TNFRSF10C: variants seen among roughly 807,000 people sequenced by gnomAD.
TNFRSF10C encodes the protein TNF receptor superfamily member 10c, also known as tumor necrosis factor receptor superfamily member 10C.
Under a neutral mutation model 16.7 loss-of-function variants are expected in TNFRSF10C, and 17 were observed. The ratio of observed to expected loss-of-function variants is 1.02; its 90% CI spans 0.70 to 1.53. The LOEUF is 1.53. Ranked by LOEUF, TNFRSF10C falls within the 40% of genes most tolerant of loss-of-function variation. The pLI is 0.00. For synonymous variants in TNFRSF10C, 73 were observed against 119.7 expected (o/e 0.61, Z 2.55); for missense variants, 237 against 329.7 (o/e 0.72, Z 2.18).
chr8:23,113,904 C>T (rs1284811084), intron 2 of TNFRSF10C, among the ~76,000 whole-genome samples: 1 of 149,972 alleles, frequency 6.7e-6, no homozygotes, highest in Admixed American at 6.7e-5. Flanking sequence ...TGCAGTGAGC[C>T]GAGATTGTGC....
At chr8:23,113,537 C>A (rs978168024) in intron 2 of TNFRSF10C, among the ~76,000 whole-genome samples, 6 of 152,168 alleles carry the variant, frequency 3.9e-5, no homozygotes, top group African/African-American at 9.7e-5. Context: ...TTTCTCAACA[C>A]CATTTATTGA....
chr8:23,106,428 ATTTT>A (rs61058025), intron 1 of TNFRSF10C, among the ~76,000 whole-genome samples: 3,989 of 129,710 alleles, frequency 0.031, 203 homozygotes, highest in African/African-American at 0.11. Context: ...CCCCCACCCG[ATTTT>A]TTTTTTTTTT....
At chr8:23,103,454 A>T in intron 1 of TNFRSF10C, 1 of 600,822 alleles carries the variant, frequency 1.7e-6, no homozygotes, top group South Asian at 2.0e-5. Flanking sequence ...GGAGGGAGTC[A>T]AGGTGGAACC....
rs182744474 is a variant in TNFRSF10C at position 23,117,239 on chromosome 8, C to T, written c.*208C>T. 1.4e-5 allele frequency: 10 copies of T among 725,476 alleles called. No individual in the cohort carries two copies. The highest frequency in any genetic ancestry group is 1.2e-4 in the African/African-American group (7 of 56,186). 44.9% of individuals were successfully genotyped at this position (725,476 alleles called of 1,614,324 possible). On this transcript the variant is annotated 3_prime_UTR_variant, in exon 5 of 5. Transcript: ENST00000356864. ...TCGTCCCATCCCCACATCCCGTGCA[C>T]CCCCCAGGACCCTGGTCTCATCAGT...
chr8:23,105,628 GTGGCTGCAGA>G (rs1302404351), intron 1 of TNFRSF10C, among the ~76,000 whole-genome samples: 1 of 152,188 alleles, frequency 6.6e-6, no homozygotes, highest in Non-Finnish European at 1.5e-5. Context: ...CTCCATCCAG[GTGGCTGCAGA>G]TGGCTACTCA....
At chr8:23,107,999 G>C (rs1269950165) in intron 1 of TNFRSF10C, among the ~76,000 whole-genome samples, 1 of 152,192 alleles carries the variant, frequency 6.6e-6, no homozygotes. Context: ...TGAGATCCGA[G>C]TTACCCTACG....
At chr8:23,106,938 A>G (rs1159330426) in intron 1 of TNFRSF10C, among the ~76,000 whole-genome samples, 3 of 152,176 alleles carry the variant, frequency 2.0e-5, no homozygotes, top group African/African-American at 2.4e-5. Context: ...AGAAAAAAAA[A>G]AAAAGGAGAT....
chr8:23,117,324 G>C lies in TNFRSF10C; in HGVS notation c.*293G>C, dbSNP rs564767321. Reference sequence around the variant, plus strand: ...AGCCAAGTCCAAGAGGGCAGGGCCAGTTCCTCCCATCTTCAGGCCCAGCCA... The same window carrying C: ...AGCCAAGTCCAAGAGGGCAGGGCCACTTCCTCCCATCTTCAGGCCCAGCCA... On this transcript the variant is annotated 3_prime_UTR_variant, in exon 5 of 5. Transcript: ENST00000356864. 17 of 504,408 alleles carry C rather than the reference G, an allele frequency of 3.4e-5. No individual in the cohort carries two copies. The highest frequency in any genetic ancestry group is 2.7e-4 in the African/African-American group (14 of 52,546). 31.2% of individuals were successfully genotyped at this position (504,408 alleles called of 1,614,324 possible). A position where few individuals can be genotyped will look rare whatever the true frequency, so the allele number is the denominator to read the frequency against.
chr8:23,115,528 T>C lies in TNFRSF10C; in HGVS notation c.301T>C (p.Cys101Arg), dbSNP rs1563345525. The change falls in exon 4 of 5, where the codon TGC (cysteine) becomes CGC (arginine). Residue 101 changes from cysteine (C) to arginine (R), a missense_variant. This residue lies in a region of TNFRSF10C where 212 missense variants were observed against 196.8 expected (regional missense o/e 1.08). Coordinates refer to ENST00000356864, the MANE Select transcript of TNFRSF10C (RefSeq NM_003841.5). ...CKSDQKHKSSCTMTRDTVCQC... is the reference protein window; with the variant it reads ...CKSDQKHKSSRTMTRDTVCQC... ...GTCAGATCAAAAACATAAAAGTTCCTGCACCATGACCAGAGACACAGTGTG... is the reference window on the plus strand; with the variant it reads ...GTCAGATCAAAAACATAAAAGTTCCCGCACCATGACCAGAGACACAGTGTG... 2 of 1,613,212 alleles carry C rather than the reference T, an allele frequency of 1.2e-6. No individual in the cohort carries two copies. Among genetic ancestry groups the C allele is most frequent in the Non-Finnish European group, 1.7e-6 (2 of 1,179,546 alleles).
At chr8:23,111,687 T>A in intron 1 of TNFRSF10C, 33 bp from the exon 2 acceptor site, 1 of 1,550,452 alleles carries the variant, frequency 6.4e-7, no homozygotes, top group Non-Finnish European at 8.9e-7. Flanking sequence ...GGTCTGGAAG[T>A]CACTCACACC....
At chr8:23,112,334 A>G (rs1199256304) in intron 2 of TNFRSF10C, among the ~76,000 whole-genome samples, 1 of 152,236 alleles carries the variant, frequency 6.6e-6, no homozygotes, top group Non-Finnish European at 1.5e-5. Flanking sequence ...TCCATGGAAT[A>G]TATTCCCTGT....
rs528019858 is a variant in TNFRSF10C, at chr8:23,116,860, G to T, written c.609G>T (p.Gly203=). 2 of 1,608,440 alleles carry T rather than the reference G, an allele frequency of 1.2e-6. No homozygotes were observed. The highest frequency in any genetic ancestry group is 1.7e-4 in the Middle Eastern group (1 of 6,004). Residue 203 remains glycine, a synonymous_variant, in exon 5 of 5, where the codon GGG becomes GGT. Transcript: ENST00000356864. The stretch of plus-strand genomic sequence containing the variant: ...AAGAGACAATGACCACCAGCCCGGG[G>T]ACTCCTGCCCCAGCTGCTGAAGAGA... ...AAEETMTTSP[G]TPAPAAEETM...
chr8:23,105,108 C>A (rs146934663), intron 1 of TNFRSF10C, among the ~76,000 whole-genome samples: 1 of 152,142 alleles, frequency 6.6e-6, no homozygotes. Flanking sequence ...GAAGTTCCAA[C>A]GGCTCAGAAT....
At chr8:23,116,510 C>T in intron 4 of TNFRSF10C, 131 bp from the exon 5 acceptor site, 1 of 1,307,444 alleles carries the variant, frequency 7.6e-7, no homozygotes, top group Non-Finnish European at 1.0e-6. Flanking sequence ...TGGGGGACCC[C>T]CTCCAGACAG....
intron 2 of TNFRSF10C, among the ~76,000 whole-genome samples, chr8:23,113,038 G>C (rs1471677053): frequency 6.6e-6 from 1 of 152,078 alleles, no homozygotes; most frequent in Non-Finnish European, 1.5e-5. Context: ...TTTGGCACTT[G>C]ATGGTTAGTG....
At chr8:23,105,938 T>C (rs976893829) in intron 1 of TNFRSF10C, among the ~76,000 whole-genome samples, 2 of 152,226 alleles carry the variant, frequency 1.3e-5, no homozygotes, top group African/African-American at 4.8e-5. Context: ...CAGCTGCTTC[T>C]CTGATCTCTG....
At chr8:23,111,971 C>A in intron 2 of TNFRSF10C, 146 bp downstream of exon 2, 1 of 883,256 alleles carries the variant, frequency 1.1e-6, no homozygotes, top group Non-Finnish European at 1.7e-6. Flanking sequence ...ATCATGTATT[C>A]GTGGTAAGAA....
intron 2 of TNFRSF10C, among the ~76,000 whole-genome samples, chr8:23,112,428 CCTGT>C (rs1406792435): frequency 6.6e-6 from 1 of 152,138 alleles, no homozygotes; most frequent in Non-Finnish European, 1.5e-5. Context: ...ATTTATTCTC[CCTGT>C]CTAACTGAAA....
Position 23,110,069 on chromosome 8 carries a change from C to CAAAAAAAAAAA in TNFRSF10C, c.61-1635_61-1625dup, listed in dbSNP as rs56263402. ...GGAGGACAGAGGGAGACCCTGTCTC[C>CAAAAAAAAAAA]AAAAAAAAAAAAAAAAAAAAAAAAA... On this transcript the variant is annotated intron_variant, in intron 1 of 4. Coordinates refer to ENST00000356864, the MANE Select transcript of TNFRSF10C (RefSeq NM_003841.5). Among the ~76,000 whole-genome samples, 265 of 39,636 alleles carry CAAAAAAAAAAA rather than the reference C, an allele frequency of 6.7e-3. 46 individuals are homozygous for CAAAAAAAAAAA. Among genetic ancestry groups the CAAAAAAAAAAA allele is most frequent in the African/African-American group, 0.027 (210 of 7,870 alleles). 26.0% of individuals were successfully genotyped at this position (39,636 alleles called of 152,430 possible). A position where few individuals can be genotyped will look rare whatever the true frequency, so the allele number is the denominator to read the frequency against.
Sources: allele counts gnomAD v4.1 joint callset (sites outside exome capture counted in the v4.1 genomes callset), GRCh38; gene constraint gnomAD v4.1.1; regional missense constraint gnomAD v4.1.1; transcripts MANE v1.5; gene names NCBI Gene and HGNC (gene_info 2026-07-23, HGNC 2026-07-21).